Variants in SIK2 observed in about 807,000 individuals in gnomAD.
The protein encoded by SIK2 is salt inducible kinase 2, also known as serine/threonine-protein kinase SIK2.
SIK2 carries 29 observed loss-of-function variants against 103.2 expected under a neutral mutation model. The ratio of observed to expected loss-of-function variants is 0.28; its 90% CI spans 0.21 to 0.38. The LOEUF (loss-of-function observed/expected upper bound fraction) is 0.38, where lower values mean the gene tolerates loss of function less well. SIK2 is among the 10% of genes least tolerant of loss of function. The pLI, the probability that SIK2 is intolerant of heterozygous loss-of-function variation, is 1.00. For missense variants in SIK2, 879 were observed against 1,171.0 expected (o/e 0.75, Z 3.64); for synonymous variants, 412 against 446.1 (o/e 0.92, Z 0.96).
chr11:111,618,737 A>AT (rs954776073), intron 2 of SIK2, among the ~76,000 whole-genome samples: 27 of 150,796 alleles, frequency 1.8e-4, no homozygotes, highest in African/African-American at 3.2e-4. Flanking sequence ...AAAATTATTA[A>AT]TTTTTTTTTA....
intron 3 of SIK2, among the ~76,000 whole-genome samples, chr11:111,674,816 G>A (rs897255569): frequency 6.6e-6 from 1 of 151,370 alleles, no homozygotes; most frequent in East Asian, 1.9e-4. Flanking sequence ...GTGCAGTCTC[G>A]GCTCACTGCA....
At chr11:111,634,221 T>C (rs982273583) in intron 3 of SIK2, among the ~76,000 whole-genome samples, 1 of 152,198 alleles carries the variant, frequency 6.6e-6, no homozygotes, top group Admixed American at 6.5e-5. Flanking sequence ...AGTGGTAACA[T>C]ACTAGGATGC....
At chr11:111,718,788 C>CA (rs1943717514) in intron 9 of SIK2, 1 of 152,232 alleles carries the variant, frequency 6.6e-6, no homozygotes, top group Non-Finnish European at 1.5e-5. Flanking sequence ...AACTCAGCGT[C>CA]TTATGACTGG....
chr11:111,646,624 G>A (rs961200295), intron 3 of SIK2, among the ~76,000 whole-genome samples: 2 of 151,830 alleles, frequency 1.3e-5, no homozygotes, highest in African/African-American at 4.8e-5. Context: ...CCTCACCCCC[G>A]GGCAACCACT....
chr11:111,630,285 G>A (rs977451681), intron 3 of SIK2, among the ~76,000 whole-genome samples: 1 of 152,178 alleles, frequency 6.6e-6, no homozygotes. Flanking sequence ...CTAATGGATA[G>A]TAATGAAAGC....
chr11:111,723,788 C>T lies in SIK2; in HGVS notation c.2440C>T (p.Leu814=), dbSNP rs748156863. Residue 814 remains leucine (L), a synonymous_variant, in exon 15 of 15, where the codon CTG becomes TTG. Coordinates refer to ENST00000304987, the MANE Select transcript of SIK2 (RefSeq NM_015191.3). The part of the protein sequence containing the change: ...STSGPRAAPP[L]PTQLQQQQPP... ...TTCCGGTCCCCGGGCTGCTCCTCCT[C>T]TGCCCACGCAGCTACAGCAGCAGCA... The T allele has an allele frequency of 1.2e-6, 2 of 1,613,998 alleles. No homozygotes were observed. The highest frequency in any genetic ancestry group is 1.7e-6 in the Non-Finnish European group (2 of 1,180,042).
At chr11:111,621,848 G>A (rs1591591214) in intron 3 of SIK2, among the ~76,000 whole-genome samples, 1 of 151,920 alleles carries the variant, frequency 6.6e-6, no homozygotes, top group East Asian at 1.9e-4. Context: ...CGGAGGCGGA[G>A]GCTGCAGTGA....
chr11:111,617,170 C>A (rs926894034), intron 2 of SIK2, among the ~76,000 whole-genome samples: 1 of 151,770 alleles, frequency 6.6e-6, no homozygotes, highest in African/African-American at 2.4e-5. Context: ...TTTTTTATAG[C>A]TTTAGGGGGT....
chr11:111,613,672 C>CA (rs930329180), intron 1 of SIK2, among the ~76,000 whole-genome samples: 1 of 152,042 alleles, frequency 6.6e-6, no homozygotes, highest in Admixed American at 6.6e-5. Context: ...GCCTAGCAGT[C>CA]AAAGTTTTAC....
intron 9 of SIK2, chr11:111,718,932 A>G (rs1217973251): frequency 1.3e-5 from 2 of 152,276 alleles, no homozygotes; most frequent in African/African-American, 2.4e-5. Flanking sequence ...CCCCCATGCC[A>G]GTATGCTGTT....
Position 111,723,710 on chromosome 11 carries a change from A to C in SIK2, c.2362A>C (p.Ser788Arg). Reference sequence around the variant, plus strand: ...GCCTTCCTCCGAGCAGATGCAATACAGCCCTTTCCTCAGCCAGTACCAAGA... The same window carrying C: ...GCCTTCCTCCGAGCAGATGCAATACCGCCCTTTCCTCAGCCAGTACCAAGA... ...LEPSSEQMQY[S>R]PFLSQYQEMQ... The change falls in exon 15 of 15, where the codon AGC becomes CGC. Residue 788 changes from serine (S) to arginine (R), a missense_variant. Physicochemically the swap from Ser to Arg is moderately radical, Grantham distance 110. This residue lies in a region of SIK2 where 375 missense variants were observed against 416.3 expected (regional missense o/e 0.90). Coordinates refer to ENST00000304987, the MANE Select transcript of SIK2 (RefSeq NM_015191.3). 1 of 1,614,130 alleles carries C rather than the reference A, an allele frequency of 6.2e-7. No individual in the cohort carries two copies. Among genetic ancestry groups the C allele is most frequent in the Non-Finnish European group, 8.5e-7 (1 of 1,180,042 alleles).
At chr11:111,648,150 T>C (rs1942281885) in intron 3 of SIK2, among the ~76,000 whole-genome samples, 1 of 152,128 alleles carries the variant, frequency 6.6e-6, no homozygotes, top group African/African-American at 2.4e-5. Flanking sequence ...TTAAGAGATT[T>C]TAAAACATAG....
At chr11:111,672,688 G>T (rs1050560562) in intron 3 of SIK2, among the ~76,000 whole-genome samples, 42 of 152,256 alleles carry the variant, frequency 2.8e-4, no homozygotes, top group African/African-American at 9.6e-4. Flanking sequence ...AAGGTAGTCA[G>T]AAAACTCTTA....
intron 3 of SIK2, among the ~76,000 whole-genome samples, chr11:111,679,732 A>G (rs567394544): frequency 6.6e-6 from 1 of 152,330 alleles, no homozygotes; most frequent in Non-Finnish European, 1.5e-5. Flanking sequence ...AAATTATTTC[A>G]TCTAATGGGA....
intron 1 of SIK2, among the ~76,000 whole-genome samples, chr11:111,610,227 C>A (rs1478919427): frequency 6.6e-6 from 1 of 152,072 alleles, no homozygotes; most frequent in African/African-American, 2.4e-5. Context: ...TGGTAGCTCA[C>A]GCCTGTAATC....
rs895504840 is a variant in SIK2 at position 111,705,507 on chromosome 11, G to A, written c.1101+368G>A. 3.3e-5 allele frequency among the ~76,000 whole-genome samples: 5 copies of A among 152,060 alleles called. No homozygotes were observed. The highest frequency in any genetic ancestry group is 7.2e-5 in the African/African-American group (3 of 41,402). On this transcript the variant is annotated intron_variant, in intron 8 of 14. Transcript: ENST00000304987. This position sits in a 1 kb window ranked among gnomAD's most constrained non-coding sequence, Gnocchi z 4.3. ...TACAGTCACTGCCCTCAGAGACATC[G>A]CGCTATAAAAATGAAATAAGACAAG... is the stretch of plus-strand genomic sequence containing the variant.
Position 111,612,218 on chromosome 11 carries a change from G to T in SIK2, c.136-4025G>T, listed in dbSNP as rs754321495. Among the ~76,000 whole-genome samples, 40 of 152,142 alleles carry T rather than the reference G, an allele frequency of 2.6e-4. 1 individual carries two copies. Among genetic ancestry groups the T allele is most frequent in the Non-Finnish European group, 5.6e-4 (38 of 68,020 alleles). On this transcript the variant is annotated intron_variant, in intron 1 of 14. Coordinates refer to ENST00000304987, the MANE Select transcript of SIK2 (RefSeq NM_015191.3). ...GAGCTTTAAGACCTTTGTTGATTAT[G>T]TGACATTATTTGAACCTCAGTTTCA...
intron 8 of SIK2, among the ~76,000 whole-genome samples, chr11:111,708,313 C>G (rs1943406634): frequency 6.6e-6 from 1 of 152,002 alleles, no homozygotes; most frequent in Admixed American, 6.6e-5. Context: ...ACCCAGGAGA[C>G]AGAGGTTGCA....
chr11:111,673,860 G>C (rs986062389), intron 3 of SIK2, among the ~76,000 whole-genome samples: 11 of 152,170 alleles, frequency 7.2e-5, no homozygotes, highest in Admixed American at 3.3e-4. Context: ...GATCACCTGA[G>C]GTCAGGAGTT....
Sources: allele counts gnomAD v4.1 joint callset (sites outside exome capture counted in the v4.1 genomes callset), GRCh38; gene constraint gnomAD v4.1.1; regional missense constraint gnomAD v4.1.1; non-coding constraint Gnocchi (gnomAD v3.1); transcripts MANE v1.5; gene names NCBI Gene and HGNC (gene_info 2026-07-23, HGNC 2026-07-21).